SERINC3: variants seen among roughly 807,000 people sequenced by gnomAD.
SERINC3 encodes tumor differentially expressed protein 1.
Under a neutral mutation model 52.1 loss-of-function variants are expected in SERINC3, and 22 were observed. The observed-to-expected ratio is 0.42, with a 90% CI of 0.30 to 0.60. The LOEUF (loss-of-function observed/expected upper bound fraction) is 0.60. Among genes scored for constraint, SERINC3 ranks in the 20% least tolerant of loss-of-function variants. SERINC3 has a pLI of 0.16. For synonymous variants in SERINC3, 226 were observed against 212.7 expected, an observed-to-expected ratio of 1.06 and a Z score of -0.54; for missense variants, 564 against 584.6, an observed-to-expected ratio of 0.96 and a Z score of 0.36.
chr20:44,501,602 G>A (rs2064280550), intron 8 of SERINC3, among the ~76,000 whole-genome samples: 1 of 152,168 alleles, frequency 6.6e-6, no homozygotes, highest in African/African-American at 2.4e-5. Flanking sequence ...GGTACCACGT[G>A]CCAACCTCCT....
intron 1 of SERINC3, among the ~76,000 whole-genome samples, chr20:44,520,077 G>T (rs1243115466): frequency 1.3e-5 from 2 of 152,182 alleles, no homozygotes; most frequent in Non-Finnish European, 2.9e-5. Context: ...ATGATTTAAT[G>T]AATGCTGACT....
intron 5 of SERINC3, among the ~76,000 whole-genome samples, chr20:44,508,094 T>A (rs559430327): frequency 1.3e-5 from 2 of 152,334 alleles, no homozygotes; most frequent in South Asian, 4.1e-4. Context: ...TTTTCACCTC[T>A]GAATATACAA....
intron 6 of SERINC3, among the ~76,000 whole-genome samples, chr20:44,506,244 G>A (rs1289039379): frequency 2.9e-5 from 4 of 140,334 alleles, no homozygotes; most frequent in Non-Finnish European, 6.0e-5. Flanking sequence ...TTGCACCATC[G>A]CACTCCAGCC....
intron 1 of SERINC3, among the ~76,000 whole-genome samples, chr20:44,515,829 A>G (rs552682562): frequency 6.7e-6 from 1 of 150,078 alleles, no homozygotes; most frequent in African/African-American, 2.5e-5. Context: ...TTTTTTTTGT[A>G]TTTTTTAGTA....
Position 44,522,051 on chromosome 20 carries a change from G to C in SERINC3, c.-100C>G. On this transcript the variant is annotated 5_prime_UTR_variant, in exon 1 of 10. Transcript: ENST00000342374. ...TCCCCAGAAACATGACGGTTTCTCA[G>C]GCCGGAAACGCAGCCTTCCACAGAC... 7.7e-7 allele frequency: 1 copy of C among 1,296,044 alleles called. No individual in the cohort carries two copies. Among genetic ancestry groups the C allele is most frequent in the African/African-American group, 1.5e-5 (1 of 67,890 alleles). 80.3% of individuals were successfully genotyped at this position (1,296,044 alleles called of 1,614,324 possible).
chr20:44,519,720 A>C (rs990678369), intron 1 of SERINC3, among the ~76,000 whole-genome samples: 1 of 152,038 alleles, frequency 6.6e-6, no homozygotes, highest in African/African-American at 2.4e-5. Context: ...CAGGAGTTCA[A>C]GGCTGCAGTG....
Position 44,498,267 on chromosome 20 carries a change from C to T in SERINC3, c.*2029G>A, listed in dbSNP as rs2064259179. ...TACCTCTCCTTCATATTATTCATAA[C>T]TGCCAGTGTTAAAATTCTAATTGCT... On this transcript the variant is annotated 3_prime_UTR_variant, in exon 10 of 10. Coordinates refer to ENST00000342374, the MANE Select transcript of SERINC3 (RefSeq NM_006811.4). 6.6e-6 allele frequency: 1 copy of T among 152,236 alleles called. No homozygotes were observed. Among genetic ancestry groups the T allele is most frequent in the African/African-American group, 2.4e-5 (1 of 41,460 alleles). The allele number at this position is 152,236 out of a possible 1,614,324, so 9.4% of individuals were successfully genotyped here.
intron 3 of SERINC3, among the ~76,000 whole-genome samples, chr20:44,512,237 C>T (rs773498478): frequency 1.3e-4 from 19 of 147,752 alleles, no homozygotes; most frequent in South Asian, 4.4e-4. Flanking sequence ...CACTTGAACC[C>T]GGGAGGGGGA....
chr20:44,506,145 A>C (rs1242664494), intron 6 of SERINC3, among the ~76,000 whole-genome samples: 1 of 151,644 alleles, frequency 6.6e-6, no homozygotes, highest in African/African-American at 2.4e-5. Context: ...AACTAAAAAT[A>C]CAAAAATTAG....
intron 3 of SERINC3, 85 bp from the exon 4 acceptor site, chr20:44,511,453 T>C (rs2064347260): frequency 1.2e-6 from 1 of 829,634 alleles, no homozygotes; most frequent in East Asian, 2.6e-5. Context: ...GCAAAAATAA[T>C]AACTTAATAG....
chr20:44,521,259 T>C (rs1401026070), intron 1 of SERINC3, among the ~76,000 whole-genome samples: 1 of 152,200 alleles, frequency 6.6e-6, no homozygotes, highest in Non-Finnish European at 1.5e-5. Flanking sequence ...GCCCTATAAT[T>C]TTCTCTTTAA....
chr20:44,516,561 G>T (rs2064382211), intron 1 of SERINC3, among the ~76,000 whole-genome samples: 1 of 151,812 alleles, frequency 6.6e-6, no homozygotes, highest in South Asian at 2.1e-4. Context: ...ACCATGCTCA[G>T]CTAATTTTTG....
intron 1 of SERINC3, among the ~76,000 whole-genome samples, chr20:44,521,548 A>G (rs2064416502): frequency 6.6e-6 from 1 of 152,236 alleles, no homozygotes; most frequent in Non-Finnish European, 1.5e-5. Context: ...AGCCACCTAG[A>G]ACTAAATGAT....
At chr20:44,506,656 G>A (rs903021256) in intron 6 of SERINC3, among the ~76,000 whole-genome samples, 171 bp downstream of exon 6, 1 of 141,326 alleles carries the variant, frequency 7.1e-6, no homozygotes, top group African/African-American at 2.6e-5. Context: ...TAATGATAGT[G>A]AAATTCATTT....
Position 44,503,807 on chromosome 20 carries a change from T to A in SERINC3, c.1055+8A>T. On this transcript the variant is annotated splice_region_variant and intron_variant, in intron 8 of 9. Coordinates refer to ENST00000342374, the MANE Select transcript of SERINC3 (RefSeq NM_006811.4). ...TGAAAATCTTGTTCTAAGTACCTTT[T>A]AACTTACCTAGAATACAAGAGGCAG... 1 of 1,524,020 alleles carries A rather than the reference T, an allele frequency of 6.6e-7. No individual in the cohort carries two copies. Among genetic ancestry groups the A allele is most frequent in the Non-Finnish European group, 8.7e-7 (1 of 1,143,272 alleles). The allele number at this position is 1,524,020 out of a possible 1,614,324, so 94.4% of individuals were successfully genotyped here.
chr20:44,496,597 C>T (rs1040914215), downstream of SERINC3, among the ~76,000 whole-genome samples: 1 of 152,164 alleles, frequency 6.6e-6, no homozygotes, highest in Non-Finnish European at 1.5e-5. Flanking sequence ...AGTTCGGGAC[C>T]AGCCTGGCCA....
At chr20:44,500,459 T>C in intron 9 of SERINC3, 25 bp from the exon 10 acceptor site, 2 of 1,552,776 alleles carry the variant, frequency 1.3e-6, no homozygotes, top group South Asian at 2.4e-5. Context: ...GAGAGTCAGG[T>C]AGAAAAGCCT....
chr20:44,496,434 C>T (rs564630644), downstream of SERINC3: 103 of 152,480 alleles, frequency 6.8e-4, no homozygotes, highest in African/African-American at 2.4e-3. Flanking sequence ...CATAAGCCTA[C>T]TATCTGTTAT....
At chr20:44,504,986 T>C (rs2064302427) in intron 6 of SERINC3, 95 bp from the exon 7 acceptor site, 5 of 849,384 alleles carry the variant, frequency 5.9e-6, no homozygotes, top group Admixed American at 2.4e-5. Context: ...CAACTATCAG[T>C]AACTGAGAAC....
Sources: allele counts gnomAD v4.1 joint callset (sites outside exome capture counted in the v4.1 genomes callset), GRCh38; gene constraint gnomAD v4.1.1; transcripts MANE v1.5; gene names NCBI Gene and HGNC (gene_info 2026-07-23, HGNC 2026-07-21).